The following DOCK1 variants were observed in gnomAD, a reference collection of about 807,000 sequenced individuals.
DOCK1 encodes the protein dedicator of cytokinesis 1, also known as dedicator of cytokinesis protein 1.
In DOCK1, 138 loss-of-function variants were observed where a neutral mutation model predicts 262.7. That is an observed-to-expected ratio of 0.53 (90% CI 0.46 to 0.61). The LOEUF (loss-of-function observed/expected upper bound fraction) is 0.61. Among genes scored for constraint, DOCK1 ranks in the 20% least tolerant of loss-of-function variants. The pLI is 0.00. For synonymous variants in DOCK1, 866 were observed against 867.4 expected (o/e 1.00, Z 0.03); for missense variants, 1,908 against 2,370.7 (o/e 0.80, Z 4.05).
At chr10:127,204,026 C>T (rs2057598593) in intron 27 of DOCK1, among the ~76,000 whole-genome samples, 1 of 151,724 alleles carries the variant, frequency 6.6e-6, no homozygotes, top group Non-Finnish European at 1.5e-5. Context: ...GAATGTTGTA[C>T]AAACGCTCCT....
At chr10:127,010,967 G>A (rs1200355780) in intron 11 of DOCK1, among the ~76,000 whole-genome samples, 1 of 151,440 alleles carries the variant, frequency 6.6e-6, no homozygotes, top group Non-Finnish European at 1.5e-5. Context: ...AACCCAACCT[G>A]AGGGATTGTT....
chr10:127,432,307 G>C (rs1390415343), intron 47 of DOCK1, among the ~76,000 whole-genome samples: 1 of 152,140 alleles, frequency 6.6e-6, no homozygotes, highest in African/African-American at 2.4e-5. Context: ...TTTTCAGAAG[G>C]GGAAGTGGCG....
intron 29 of DOCK1, among the ~76,000 whole-genome samples, chr10:127,297,913 C>T (rs1165813345): frequency 1.3e-5 from 2 of 152,078 alleles, no homozygotes; most frequent in Non-Finnish European, 2.9e-5. Context: ...ATGCCTTCTT[C>T]TCTGCTTGCT....
chr10:127,351,020 G>A (rs1164672491), intron 31 of DOCK1, among the ~76,000 whole-genome samples: 1 of 152,146 alleles, frequency 6.6e-6, no homozygotes, highest in Non-Finnish European at 1.5e-5. Context: ...ATTGCCCGGT[G>A]TGCTTAGATT....
chr10:127,106,511 A>G (rs74937840), intron 24 of DOCK1, among the ~76,000 whole-genome samples: 3,298 of 152,204 alleles, frequency 0.022, 53 homozygotes, highest in Middle Eastern at 0.058. Context: ...AACTATGACA[A>G]CATTTTTTAA....
chr10:126,976,686 C>T (rs1043641202), intron 2 of DOCK1, among the ~76,000 whole-genome samples: 8 of 151,996 alleles, frequency 5.3e-5, no homozygotes, highest in Non-Finnish European at 1.0e-4. Flanking sequence ...CCCTCTGTCA[C>T]TCTCTGACAG....
At chr10:127,080,944 C>T (rs2046866288) in intron 23 of DOCK1, among the ~76,000 whole-genome samples, 1 of 152,142 alleles carries the variant, frequency 6.6e-6, no homozygotes, top group Non-Finnish European at 1.5e-5. Flanking sequence ...TGATCTTGCT[C>T]TCAACCTTCT....
At position 127,367,183 on chromosome 10, in the gene DOCK1, G is replaced by A. The variant is rs139829698; in HGVS notation, c.3432+4971G>A. ...GTTACAAATTGGCTTTTCTAACGTTGCCCGGAGTTTCTGCTCTTGTGCTCG... is the reference window on the plus strand; with the variant it reads ...GTTACAAATTGGCTTTTCTAACGTTACCCGGAGTTTCTGCTCTTGTGCTCG... On this transcript the variant is annotated intron_variant, in intron 33 of 51. Coordinates refer to ENST00000623213, the MANE Select transcript of DOCK1 (RefSeq NM_001290223.2). Among the ~76,000 whole-genome samples, 661 of 152,282 alleles carry A rather than the reference G, an allele frequency of 4.3e-3. 3 individuals carry two copies. The highest frequency in any genetic ancestry group is 0.015 in the African/African-American group (633 of 41,558).
In DOCK1 at chr10:127,415,248, G is replaced by A. The variant is rs2068085765; in HGVS notation, c.4515+10G>A. The A allele has an allele frequency of 6.2e-7, 1 of 1,611,294 alleles. No individual in the cohort carries two copies. The highest frequency in any genetic ancestry group is 8.5e-7 in the Non-Finnish European group (1 of 1,178,542). On this transcript the variant is annotated intron_variant, in intron 44 of 51. Transcript: ENST00000623213. ...CAAGTCTGTTTTCATGGTAAGGATG[G>A]CCCCACCCCAGAAGGAATTGTCCGT...
chr10:127,432,318 T>C (rs549157838), intron 47 of DOCK1, among the ~76,000 whole-genome samples: 1 of 152,168 alleles, frequency 6.6e-6, no homozygotes, highest in Non-Finnish European at 1.5e-5. Context: ...GGAAGTGGCG[T>C]TATATTAATC....
rs569066818 is a variant in DOCK1 at position 127,086,926 on chromosome 10, G to A, written c.2446-19305G>A. 2.0e-5 allele frequency among the ~76,000 whole-genome samples: 3 copies of A among 152,320 alleles called. No individual in the cohort carries two copies. The South Asian group carries it at 6.2e-4, about 32-fold the overall frequency. On this transcript the variant is annotated intron_variant, in intron 23 of 51. Coordinates refer to ENST00000623213, the MANE Select transcript of DOCK1 (RefSeq NM_001290223.2). The stretch of plus-strand genomic sequence containing the variant: ...GGCTTTTATCTGTATCTATAAAAGT[G>A]TAAATACTTGAGGTGGCCAAAACTT...
Position 127,374,130 on chromosome 10 carries a change from C to T in DOCK1, c.3591C>T (p.Arg1197=), listed in dbSNP as rs781751056. Residue 1197 remains arginine, a synonymous_variant, in exon 35 of 52, where the codon CGC becomes CGT. Coordinates refer to ENST00000623213, the MANE Select transcript of DOCK1 (RefSeq NM_001290223.2). ...AAACTTTTGTAAAACTCGTTGTGCG[C>T]TTAATGGAAAGGCTTTTGGATTATA... ...TGETFVKLVV[R]LMERLLDYRT... is the part of the protein sequence containing the mutation. The T allele has an allele frequency of 1.2e-5, 19 of 1,613,642 alleles. No homozygotes were observed. In the East Asian group the frequency reaches 3.3e-4, roughly 28 times the overall value.
chr10:127,441,199 G>A (rs1413521336), intron 49 of DOCK1, among the ~76,000 whole-genome samples: 1 of 152,226 alleles, frequency 6.6e-6, no homozygotes, highest in Admixed American at 6.5e-5. Flanking sequence ...AAGCACACAC[G>A]TGACAGGCAC....
intron 7 of DOCK1, 173 bp from the exon 8 acceptor site, chr10:126,997,919 T>G (rs914205881): frequency 1.3e-6 from 1 of 782,484 alleles, no homozygotes; most frequent in African/African-American, 1.7e-5. Flanking sequence ...TTGTCTGTTG[T>G]GTGAATGCAT....
chr10:127,439,247 C>T (rs1229533847), intron 49 of DOCK1, 22 bp downstream of exon 49: 2 of 1,593,192 alleles, frequency 1.3e-6, no homozygotes, highest in Non-Finnish European at 1.7e-6. Flanking sequence ...GGGTATCTTT[C>T]CTCGCTCTGC....
intron 10 of DOCK1, 118 bp from the exon 11 acceptor site, chr10:127,008,614 T>C: frequency 1.2e-6 from 1 of 867,820 alleles, no homozygotes; most frequent in Non-Finnish European, 1.9e-6. Context: ...GACTTGACTA[T>C]GAGAAAACAG....
At chr10:126,990,092 G>A (rs541699287) in intron 5 of DOCK1, among the ~76,000 whole-genome samples, 1 of 152,216 alleles carries the variant, frequency 6.6e-6, no homozygotes, top group African/African-American at 2.4e-5. Flanking sequence ...GACTAATTCC[G>A]GAGGAGCTTT....
intron 47 of DOCK1, among the ~76,000 whole-genome samples, chr10:127,429,964 A>C (rs1479351256): frequency 6.6e-6 from 1 of 152,216 alleles, no homozygotes; most frequent in Non-Finnish European, 1.5e-5. Flanking sequence ...AGGAGCAGGG[A>C]AATTGATCCT....
intron 22 of DOCK1, among the ~76,000 whole-genome samples, chr10:127,060,610 C>A (rs1400211801): frequency 6.6e-6 from 1 of 152,142 alleles, no homozygotes; most frequent in Non-Finnish European, 1.5e-5. Context: ...TTTTAAAATG[C>A]AAATGTGTTG....
Sources: gnomAD v4.1 joint callset for allele counts (sites outside exome capture counted in the v4.1 genomes callset) on GRCh38, gnomAD v4.1.1 for gene constraint, MANE v1.5 for transcripts, NCBI Gene and HGNC (gene_info 2026-07-23, HGNC 2026-07-21) for gene names.